Variants in FAM184B observed in about 807,000 individuals in gnomAD.
The protein encoded by FAM184B is family with sequence similarity 184 member B, also known as protein FAM184B.
A neutral mutation model predicts 135.9 loss-of-function variants in FAM184B; 111 were observed. The ratio of observed to expected loss-of-function variants is 0.82; its 90% CI spans 0.70 to 0.96. The LOEUF (loss-of-function observed/expected upper bound fraction) is 0.96. FAM184B is among the 40% of genes least tolerant of loss of function. The pLI, the probability that FAM184B is intolerant of heterozygous loss-of-function variation, is 0.00. For synonymous variants in FAM184B, 552 were observed against 524.8 expected, an observed-to-expected ratio of 1.05 and a Z score of -0.71; for missense variants, 1,375 against 1,323.9, an observed-to-expected ratio of 1.04 and a Z score of -0.60.
At chr4:17,695,502 G>A (rs1451445527) in intron 5 of FAM184B, among the ~76,000 whole-genome samples, 1 of 152,138 alleles carries the variant, frequency 6.6e-6, no homozygotes, top group African/African-American at 2.4e-5. Flanking sequence ...GACTGATGTG[G>A]GTGGAGGCAT....
At chr4:17,682,207 C>T (rs958471578) in intron 7 of FAM184B, among the ~76,000 whole-genome samples, 2 of 152,108 alleles carry the variant, frequency 1.3e-5, no homozygotes, top group East Asian at 1.9e-4. Flanking sequence ...GGCCCAGGCA[C>T]CAAAGGAATC....
At position 17,781,146 on chromosome 4, in the gene FAM184B, C is replaced by G; in HGVS notation, c.141+13G>C. ...GGGCGTGCAGCTCGCTGGCCCGCTG[C>G]GCCCCACCTTACCTTGGTGAGCTGG... On this transcript the variant is annotated intron_variant, in intron 1 of 17. Coordinates refer to ENST00000265018, the MANE Select transcript of FAM184B (RefSeq NM_015688.2). The surrounding 1 kb of genome is among the most constrained non-coding windows in gnomAD (Gnocchi z 6.5). 1 of 1,530,448 alleles carries G rather than the reference C, an allele frequency of 6.5e-7. No homozygotes were observed. The highest frequency in any genetic ancestry group is 1.4e-5 in the African/African-American group (1 of 72,326). The allele number at this position is 1,530,448 out of a possible 1,614,324, so 94.8% of individuals were successfully genotyped here. A position where few individuals can be genotyped will look rare whatever the true frequency, so the allele number is the denominator to read the frequency against.
At chr4:17,673,782 G>T (rs190617857) in intron 7 of FAM184B, among the ~76,000 whole-genome samples, 1 of 152,170 alleles carries the variant, frequency 6.6e-6, no homozygotes, top group Non-Finnish European at 1.5e-5. Context: ...TGGGAAGGGG[G>T]TAAGGGATAA....
chr4:17,775,465 A>T (rs530118585), intron 1 of FAM184B, among the ~76,000 whole-genome samples: 1 of 152,176 alleles, frequency 6.6e-6, no homozygotes, highest in African/African-American at 2.4e-5. Context: ...GATTACAGGC[A>T]TGAGCCACTG....
intron 7 of FAM184B, among the ~76,000 whole-genome samples, chr4:17,675,380 G>C (rs1716290023): frequency 1.3e-5 from 2 of 151,832 alleles, no homozygotes; most frequent in Admixed American, 1.3e-4. Flanking sequence ...CTCAACACTG[G>C]GCTTGAAAAA....
chr4:17,702,866 T>C (rs1313237155), intron 5 of FAM184B, among the ~76,000 whole-genome samples: 5 of 151,916 alleles, frequency 3.3e-5, no homozygotes, highest in African/African-American at 1.2e-4. Flanking sequence ...ATGGAAAGAG[T>C]GTCCATCTGT....
At chr4:17,643,618 G>T (rs1310663487) in intron 12 of FAM184B, among the ~76,000 whole-genome samples, 2 of 152,178 alleles carry the variant, frequency 1.3e-5, no homozygotes, top group Non-Finnish European at 2.9e-5. Flanking sequence ...AACACGTTCT[G>T]TCTTCCCTCT....
chr4:17,694,167 C>G (rs1716800949), intron 5 of FAM184B, among the ~76,000 whole-genome samples: 1 of 152,126 alleles, frequency 6.6e-6, no homozygotes, highest in African/African-American at 2.4e-5. Flanking sequence ...CTGTGCTACT[C>G]ACTTGCTCCC....
chr4:17,665,262 T>C (rs1716021744), intron 7 of FAM184B, among the ~76,000 whole-genome samples: 1 of 152,148 alleles, frequency 6.6e-6, no homozygotes, highest in Admixed American at 6.5e-5. Context: ...TGACCAGAAA[T>C]GGGGTATGGG....
chr4:17,764,427 T>G (rs926935665), intron 1 of FAM184B, among the ~76,000 whole-genome samples: 1 of 152,190 alleles, frequency 6.6e-6, no homozygotes, highest in Non-Finnish European at 1.5e-5. Flanking sequence ...GGTTCTCATA[T>G]GTTTTGCATC....
At chr4:17,644,271 A>T (rs928517820) in intron 12 of FAM184B, among the ~76,000 whole-genome samples, 1 of 152,224 alleles carries the variant, frequency 6.6e-6, no homozygotes, top group African/African-American at 2.4e-5. Flanking sequence ...AGCCTGGCAG[A>T]GACACAACAA....
intron 10 of FAM184B, among the ~76,000 whole-genome samples, 175 bp downstream of exon 10, chr4:17,658,175 G>A (rs756730559): frequency 5.9e-5 from 9 of 152,202 alleles, no homozygotes; most frequent in Non-Finnish European, 1.0e-4. Context: ...CCCTGAGCAA[G>A]TTGCAAAATC....
At chr4:17,648,635 GTGAGCC>G (rs1715529031) in intron 11 of FAM184B, among the ~76,000 whole-genome samples, 1 of 152,018 alleles carries the variant, frequency 6.6e-6, no homozygotes, top group African/African-American at 2.4e-5. Flanking sequence ...ATTATAGCGC[GTGAGCC>G]ACAGTACCCG....
rs1195609796 is a variant in FAM184B at position 17,652,910 on chromosome 4, A to T, written c.2111T>A (p.Leu704His). 6.4e-7 allele frequency: 1 copy of T among 1,551,686 alleles called. No homozygotes were observed. The highest frequency in any genetic ancestry group is 1.2e-5 in the South Asian group (1 of 84,052). Reference protein sequence around the residue: ...QIQHQTHRLELQALEEKARQE... With the variant: ...QIQHQTHRLEHQALEEKARQE... Reference sequence around the variant, plus strand: ...CCTGGCCTTTTCCTCCAAGGCCTGGAGCTCCAGTCGGTGTGTCTGGTGTTG... The same window carrying T: ...CCTGGCCTTTTCCTCCAAGGCCTGGTGCTCCAGTCGGTGTGTCTGGTGTTG... The change falls in exon 11 of 18, where the codon CTC (leucine) becomes CAC (histidine). Residue 704 changes from leucine to histidine, a missense_variant. Coordinates refer to ENST00000265018, the MANE Select transcript of FAM184B (RefSeq NM_015688.2).
At chr4:17,691,456 T>C (rs10939752) in intron 6 of FAM184B, among the ~76,000 whole-genome samples, 90,242 of 151,284 alleles carry the variant, frequency 0.6, 27,460 homozygotes, top group East Asian at 0.87. Context: ...GAGGCAGAGA[T>C]GGGTGGATCA....
At chr4:17,717,792 AG>A (rs1384764625) in intron 1 of FAM184B, among the ~76,000 whole-genome samples, 1 of 152,130 alleles carries the variant, frequency 6.6e-6, no homozygotes, top group Non-Finnish European at 1.5e-5. Flanking sequence ...GAAATGAAAA[AG>A]AAAAAAAAAA....
At chr4:17,735,807 A>AAAGGC (rs1717895242) in intron 1 of FAM184B, among the ~76,000 whole-genome samples, 1 of 152,204 alleles carries the variant, frequency 6.6e-6, no homozygotes, top group Non-Finnish European at 1.5e-5. Context: ...GAATAAATGC[A>AAAGGC]AAGGCAGCAG....
In FAM184B at chr4:17,781,107, G is replaced by T; in HGVS notation, c.141+52C>A. 1 of 1,465,480 alleles carries T rather than the reference G, an allele frequency of 6.8e-7. No homozygotes were observed. The highest frequency in any genetic ancestry group is 9.0e-7 in the Non-Finnish European group (1 of 1,107,012). The allele number at this position is 1,465,480 out of a possible 1,614,324, so 90.8% of individuals were successfully genotyped here. ...GGGAGGCGCATCCGCACTGACTCCC[G>T]GCTCGGGCGCCCCGGGCGTGCAGCT... On this transcript the variant is annotated intron_variant, in intron 1 of 17. Coordinates refer to ENST00000265018, the MANE Select transcript of FAM184B (RefSeq NM_015688.2). This position sits in a 1 kb window ranked among gnomAD's most constrained non-coding sequence, Gnocchi z 6.5.
At position 17,630,371 on chromosome 4, in the gene FAM184B, T is replaced by A. The variant is rs979077104; in HGVS notation, c.*2161A>T. The stretch of plus-strand genomic sequence containing the variant: ...CAATGGAGTCATGAGGGCTTCACCC[T>A]CATGAGTAGGATAAGTACCCTTACA... On this transcript the variant is annotated 3_prime_UTR_variant, in exon 18 of 18. Coordinates refer to ENST00000265018, the MANE Select transcript of FAM184B (RefSeq NM_015688.2). 3.3e-5 allele frequency: 5 copies of A among 152,130 alleles called. No homozygotes were observed. Among genetic ancestry groups the A allele is most frequent in the African/African-American group, 9.7e-5 (4 of 41,440 alleles). 9.4% of individuals were successfully genotyped at this position (152,130 alleles called of 1,614,324 possible). A position where few individuals can be genotyped will look rare whatever the true frequency, so the allele number is the denominator to read the frequency against.
Sources: gnomAD v4.1 joint callset for allele counts (sites outside exome capture counted in the v4.1 genomes callset) on GRCh38, gnomAD v4.1.1 for gene constraint, Gnocchi (gnomAD v3.1) non-coding constraint, MANE v1.5 for transcripts, NCBI Gene and HGNC (gene_info 2026-07-23, HGNC 2026-07-21) for gene names.